The following NEMF variants were observed in gnomAD, a reference collection of about 807,000 sequenced individuals.
The protein encoded by NEMF is ribosome quality control complex subunit NEMF.
NEMF carries 89 observed loss-of-function variants against 162.2 expected under a neutral mutation model. The ratio of observed to expected loss-of-function variants is 0.55; its 90% CI spans 0.46 to 0.65. The LOEUF is 0.65. NEMF is among the 30% of genes least tolerant of loss of function. NEMF has a pLI of 0.00. For synonymous variants in NEMF, 421 were observed against 404.5 expected (o/e 1.04, Z -0.49); for missense variants, 1,133 against 1,261.9 (o/e 0.90, Z 1.55).
Position 49,833,426 on chromosome 14 carries a change from C to T in NEMF, c.732G>A (p.Gly244=). Residue 244 remains glycine, a synonymous_variant, in exon 8 of 33, where the codon GGG becomes GGA. Coordinates refer to ENST00000298310, the MANE Select transcript of NEMF (RefSeq NM_004713.6). The part of the protein sequence containing the change: ...DYMKTTSNFS[G]KGYIIQKREI... ...TAGTAAGTATACATGGTGCTACCTT[C>T]CCACTGAAGTTGGATGTTGTTTTCA... 1.3e-6 allele frequency: 2 copies of T among 1,578,296 alleles called. No homozygotes were observed. Among genetic ancestry groups the T allele is most frequent in the Non-Finnish European group, 1.7e-6 (2 of 1,155,440 alleles).
At position 49,848,286 on chromosome 14, in the gene NEMF, C is replaced by T. The variant is rs188298352; in HGVS notation, c.232-2021G>A. Among the ~76,000 whole-genome samples, 7 of 152,242 alleles carry T rather than the reference C, an allele frequency of 4.6e-5. No homozygotes were observed. The East Asian group carries it at 9.7e-4, about 21-fold the overall frequency. ...TCTCATTCTTTATTAAATCCCCTTC[C>T]TCCTATCCCTGGCCATAAGGTTCTT... On this transcript the variant is annotated intron_variant, in intron 3 of 32. Transcript: ENST00000298310.
chr14:49,829,386 T>C lies in NEMF; in HGVS notation c.986A>G (p.Asp329Gly). ...ALKKLDNVRKDHENRLEALQQ... is the reference protein window; with the variant it reads ...ALKKLDNVRKGHENRLEALQQ... ...AAGAGCTTCCAATCTGTTTTCGTGA[T>C]CCTTTCGAACATTATCTAATTTCTT... Residue 329 changes from aspartate (D) to glycine (G), a missense_variant, in exon 12 of 33, where the codon GAT becomes GGT. Physicochemically the swap from Asp to Gly is moderately conservative, Grantham distance 94. Coordinates refer to ENST00000298310, the MANE Select transcript of NEMF (RefSeq NM_004713.6). 1 of 1,614,130 alleles carries C rather than the reference T, an allele frequency of 6.2e-7. No homozygotes were observed. Among genetic ancestry groups the C allele is most frequent in the East Asian group, 2.2e-5 (1 of 44,878 alleles).
chr14:49,788,823 C>T (rs1208068839), intron 28 of NEMF, among the ~76,000 whole-genome samples: 1 of 152,106 alleles, frequency 6.6e-6, no homozygotes, highest in Non-Finnish European at 1.5e-5. Context: ...TCTCAAAGTG[C>T]TGGGATTACA....
At chr14:49,830,201 A>C (rs1011513830) in intron 11 of NEMF, among the ~76,000 whole-genome samples, 3 of 152,222 alleles carry the variant, frequency 2.0e-5, no homozygotes, top group Non-Finnish European at 4.4e-5. Flanking sequence ...CCACAAAATA[A>C]TTACCAAAAT....
At chr14:49,841,601 T>C (rs376813976) in intron 4 of NEMF, among the ~76,000 whole-genome samples, 1 of 133,338 alleles carries the variant, frequency 7.5e-6, no homozygotes, top group East Asian at 2.1e-4. Flanking sequence ...AAAAAAAAAA[T>C]TGAGAAAGAA....
intron 25 of NEMF, chr14:49,796,454 C>G (rs1049207327): frequency 8.9e-6 from 3 of 337,278 alleles, no homozygotes; most frequent in African/African-American, 6.6e-5. Context: ...CAGACTTCCT[C>G]CAGAGTCTAC....
chr14:49,841,639 G>C (rs1893217669), intron 4 of NEMF, among the ~76,000 whole-genome samples: 1 of 151,040 alleles, frequency 6.6e-6, no homozygotes, highest in African/African-American at 2.4e-5. Context: ...AAGCCAGCCA[G>C]GCAAGGAACA....
rs1007642698 is a variant in NEMF, at chr14:49,844,260, C to T, written c.357+1880G>A. Among the ~76,000 whole-genome samples the T allele has an allele frequency of 4.6e-5, 7 of 152,178 alleles. No homozygotes were observed. The South Asian group carries it at 6.2e-4, about 14-fold the overall frequency. ...CTCAGATCATCAGGCATTAGATTCT[C>T]GCAAGAAGCATGCAACCTAGATCCC... On this transcript the variant is annotated intron_variant, in intron 4 of 32. Transcript: ENST00000298310.
At chr14:49,824,035 T>G (rs1892216956) in intron 16 of NEMF, among the ~76,000 whole-genome samples, 1 of 152,064 alleles carries the variant, frequency 6.6e-6, no homozygotes, top group Non-Finnish European at 1.5e-5. Context: ...TTGGGCATGG[T>G]GGCGTGCACC....
At chr14:49,847,195 A>C (rs865906486) in intron 3 of NEMF, among the ~76,000 whole-genome samples, 1 of 146,030 alleles carries the variant, frequency 6.8e-6, no homozygotes, top group Middle Eastern at 4.2e-3. Context: ...ACCTTTACTT[A>C]TTTATTTATT....
intron 6 of NEMF, among the ~76,000 whole-genome samples, chr14:49,837,050 G>A (rs1892941004): frequency 6.6e-6 from 1 of 152,154 alleles, no homozygotes; most frequent in African/African-American, 2.4e-5. Flanking sequence ...CAAGGCAGGT[G>A]GATCACGAGG....
intron 3 of NEMF, 83 bp from the exon 4 acceptor site, chr14:49,846,348 T>A: frequency 6.5e-6 from 8 of 1,235,342 alleles, no homozygotes; most frequent in Non-Finnish European, 9.3e-6. Context: ...AAGCTTCTTT[T>A]CATTATCATC....
At chr14:49,815,895 C>A (rs958100939) in intron 16 of NEMF, among the ~76,000 whole-genome samples, 1 of 151,996 alleles carries the variant, frequency 6.6e-6, no homozygotes, top group Admixed American at 6.6e-5. Context: ...ACCTGGGAGG[C>A]GGAGCTTGCA....
At chr14:49,793,771 T>G (rs1566652741) in intron 26 of NEMF, among the ~76,000 whole-genome samples, 1 of 152,206 alleles carries the variant, frequency 6.6e-6, no homozygotes, top group Admixed American at 6.5e-5. Flanking sequence ...GAGGAATTGC[T>G]GAGTCAAAGG....
intron 5 of NEMF, among the ~76,000 whole-genome samples, chr14:49,838,585 GTT>G (rs200414717): frequency 7.7e-6 from 1 of 129,828 alleles, no homozygotes; most frequent in Non-Finnish European, 1.7e-5. Flanking sequence ...TTTTTGTTTG[GTT>G]TTTTTTTTTT....
At chr14:49,844,052 T>A (rs1594806100) in intron 4 of NEMF, among the ~76,000 whole-genome samples, 2 of 149,776 alleles carry the variant, frequency 1.3e-5, no homozygotes, top group Admixed American at 1.3e-4. Flanking sequence ...TGAGCTGAGA[T>A]CACACCCTTG....
chr14:49,804,041 G>A (rs1443774546), intron 19 of NEMF, among the ~76,000 whole-genome samples: 1 of 145,428 alleles, frequency 6.9e-6, no homozygotes, highest in Non-Finnish European at 1.5e-5. Context: ...GTCTCACACT[G>A]TCACCCAGGC....
chr14:49,838,125 G>T lies in NEMF; in HGVS notation c.574+14C>A. On this transcript the variant is annotated intron_variant, in intron 6 of 32. Coordinates refer to ENST00000298310, the MANE Select transcript of NEMF (RefSeq NM_004713.6). ...CCTTGCAAACATTTCACTGCTATTT[G>T]CAGGAATACTCACGAAGTAATGGGT... 6.3e-7 allele frequency: 1 copy of T among 1,594,116 alleles called. No individual in the cohort carries two copies. Among genetic ancestry groups the T allele is most frequent in the Non-Finnish European group, 8.6e-7 (1 of 1,163,738 alleles).
intron 3 of NEMF, among the ~76,000 whole-genome samples, chr14:49,846,846 G>A (rs1893528424): frequency 6.6e-6 from 1 of 152,150 alleles, no homozygotes; most frequent in South Asian, 2.1e-4. Context: ...TAAATTCCTT[G>A]TTGTGGTCCT....
Sources: allele counts gnomAD v4.1 joint callset (sites outside exome capture counted in the v4.1 genomes callset), GRCh38; gene constraint gnomAD v4.1.1; transcripts MANE v1.5; gene names NCBI Gene and HGNC (gene_info 2026-07-23, HGNC 2026-07-21).